Variants in WDR25 observed in about 807,000 individuals in gnomAD.
WDR25 encodes the protein WD repeat-containing protein 25.
WDR25 carries 35 observed loss-of-function variants against 47.7 expected under a neutral mutation model. That is an observed-to-expected ratio of 0.73 (90% CI 0.56 to 0.97). The LOEUF is 0.97. WDR25 is among the 50% of genes least tolerant of loss of function. The probability of loss-of-function intolerance (pLI) is 0.00; values close to 1 mark genes in which losing one functional copy is unlikely to be tolerated. For synonymous variants in WDR25, 248 were observed against 278.9 expected (o/e 0.89, Z 1.10); for missense variants, 634 against 704.7 (o/e 0.90, Z 1.14).
chr14:100,433,085 T>G (rs1898390591), intron 2 of WDR25, among the ~76,000 whole-genome samples: 1 of 152,274 alleles, frequency 6.6e-6, no homozygotes, highest in South Asian at 2.1e-4. Context: ...AATGTTGTTA[T>G]GCAGCACATG....
At chr14:100,513,333 G>A (rs1026361299) in intron 4 of WDR25, among the ~76,000 whole-genome samples, 3 of 152,106 alleles carry the variant, frequency 2.0e-5, no homozygotes, top group African/African-American at 7.2e-5. Context: ...GAACAAGGTG[G>A]GCCCTTTTTT....
chr14:100,500,773 C>T lies in WDR25; in HGVS notation c.1101+16649C>T, dbSNP rs1900895604. ...CTGCGAGGCAGGGGCCTGGGCTTTTCAGAGTTGGGCTGCTCTTGGGGGTGG... is the reference window on the plus strand; with the variant it reads ...CTGCGAGGCAGGGGCCTGGGCTTTTTAGAGTTGGGCTGCTCTTGGGGGTGG... On this transcript the variant is annotated intron_variant, in intron 4 of 6. Coordinates refer to ENST00000402312, the MANE Select transcript of WDR25 (RefSeq NM_001161476.3). The surrounding 1 kb of genome is among the most constrained non-coding windows in gnomAD (Gnocchi z 4.7). Among the ~76,000 whole-genome samples, 1 of 152,152 alleles carries T rather than the reference C, an allele frequency of 6.6e-6. No individual in the cohort carries two copies. The highest frequency in any genetic ancestry group is 1.5e-5 in the Non-Finnish European group (1 of 68,032).
At chr14:100,435,356 G>A (rs1452322850) in intron 2 of WDR25, among the ~76,000 whole-genome samples, 1 of 152,232 alleles carries the variant, frequency 6.6e-6, no homozygotes, top group South Asian at 2.1e-4. Context: ...GGAGAAAGGA[G>A]GAGCTATTCC....
chr14:100,389,419 A>C (rs944528179), intron 2 of WDR25, among the ~76,000 whole-genome samples: 12 of 152,312 alleles, frequency 7.9e-5, no homozygotes, highest in Admixed American at 7.8e-4. Context: ...CCAACCTTTT[A>C]AGGTTTCCTT....
At position 100,529,729 on chromosome 14, in the gene WDR25, T is replaced by G; in HGVS notation, c.1414-91T>G. 7.1e-7 allele frequency: 1 copy of G among 1,405,764 alleles called. No homozygotes were observed. The highest frequency in any genetic ancestry group is 9.7e-7 in the Non-Finnish European group (1 of 1,035,156). 87.1% of individuals were successfully genotyped at this position (1,405,764 alleles called of 1,614,324 possible). A position where few individuals can be genotyped will look rare whatever the true frequency, so the allele number is the denominator to read the frequency against. On this transcript the variant is annotated intron_variant, in intron 6 of 6. Coordinates refer to ENST00000402312, the MANE Select transcript of WDR25 (RefSeq NM_001161476.3). The surrounding 1 kb of genome is among the most constrained non-coding windows in gnomAD (Gnocchi z 5.1). ...CGAAGCCCAGCTCTGCTCCGTCAGCTCGGGGCTTCAGCCTGCTCCTCTGTA... is the reference window on the plus strand; with the variant it reads ...CGAAGCCCAGCTCTGCTCCGTCAGCGCGGGGCTTCAGCCTGCTCCTCTGTA...
rs1182737795 is a variant in WDR25 at position 100,498,788 on chromosome 14, C to T, written c.1101+14664C>T. Among the ~76,000 whole-genome samples, 1 of 152,226 alleles carries T rather than the reference C, an allele frequency of 6.6e-6. No individual in the cohort carries two copies. The highest frequency in any genetic ancestry group is 1.5e-5 in the Non-Finnish European group (1 of 68,044). ...CCATTCCAAGCCCTGCTGGCCAGGC[C>T]ACGCCCCTGATTTGGAATGGTTTCT... On this transcript the variant is annotated intron_variant, in intron 4 of 6. Coordinates refer to ENST00000402312, the MANE Select transcript of WDR25 (RefSeq NM_001161476.3). The surrounding 1 kb of genome is among the most constrained non-coding windows in gnomAD (Gnocchi z 4.2).
chr14:100,511,007 T>C (rs1190957431), intron 4 of WDR25, among the ~76,000 whole-genome samples: 1 of 152,180 alleles, frequency 6.6e-6, no homozygotes, highest in Non-Finnish European at 1.5e-5. Flanking sequence ...TTCTGACTAC[T>C]GTAGGTTCTT....
chr14:100,528,260 A>T (rs559970037), intron 5 of WDR25, among the ~76,000 whole-genome samples: 29 of 152,274 alleles, frequency 1.9e-4, no homozygotes, highest in African/African-American at 7.0e-4. Context: ...AGATGTTGGC[A>T]GGGTGTGCTC....
chr14:100,483,302 T>C (rs1363961012), intron 3 of WDR25, among the ~76,000 whole-genome samples: 1 of 152,174 alleles, frequency 6.6e-6, no homozygotes. Flanking sequence ...ACACAGACAC[T>C]TACCTAATGC....
chr14:100,498,121 G>A lies in WDR25; in HGVS notation c.1101+13997G>A, dbSNP rs373557046. On this transcript the variant is annotated intron_variant, in intron 4 of 6. Coordinates refer to ENST00000402312, the MANE Select transcript of WDR25 (RefSeq NM_001161476.3). This position sits in a 1 kb window ranked among gnomAD's most constrained non-coding sequence, Gnocchi z 4.2. ...AACAAATAGATTCCCAGTTTCAGGAGTGTGTTGATGGCTGTGTGATTTTAA... is the reference window on the plus strand; with the variant it reads ...AACAAATAGATTCCCAGTTTCAGGAATGTGTTGATGGCTGTGTGATTTTAA... Among the ~76,000 whole-genome samples the A allele has an allele frequency of 4.6e-5, 7 of 152,382 alleles. No individual in the cohort carries two copies. In the East Asian group the frequency reaches 1.2e-3, roughly 25 times the overall value.
chr14:100,382,368 G>A (rs1019939788), intron 2 of WDR25, among the ~76,000 whole-genome samples: 5 of 152,152 alleles, frequency 3.3e-5, no homozygotes, highest in African/African-American at 9.7e-5. Context: ...GCAGAAGGGC[G>A]TGCTTGGCTG....
chr14:100,491,289 A>G (rs907900471), intron 4 of WDR25, among the ~76,000 whole-genome samples: 1 of 152,220 alleles, frequency 6.6e-6, no homozygotes, highest in Admixed American at 6.5e-5. Context: ...TAGTGGGGCA[A>G]GACTGTGAAC....
At chr14:100,390,772 G>A (rs994077806) in intron 2 of WDR25, among the ~76,000 whole-genome samples, 10 of 152,246 alleles carry the variant, frequency 6.6e-5, no homozygotes, top group East Asian at 1.9e-4. Context: ...GCTGTGTAGC[G>A]CTCAGTGTCT....
At position 100,498,850 on chromosome 14, in the gene WDR25, TGCCATGCGG is replaced by T. The variant is rs1383539909; in HGVS notation, c.1101+14731_1101+14739del. Among the ~76,000 whole-genome samples, 1 of 152,192 alleles carries T rather than the reference TGCCATGCGG, an allele frequency of 6.6e-6. No individual in the cohort carries two copies. The highest frequency in any genetic ancestry group is 1.5e-5 in the Non-Finnish European group (1 of 68,030). ...TATCTTTCTCTAATAGGAACCAAGG[TGCCATGCGG>T]GCCAGTGGCAGCCCTGTCCCTCCCC... is the stretch of plus-strand genomic sequence containing the variant. On this transcript the variant is annotated intron_variant, in intron 4 of 6. Transcript: ENST00000402312. This position sits in a 1 kb window ranked among gnomAD's most constrained non-coding sequence, Gnocchi z 4.2.
At chr14:100,516,158 C>T (rs561793227) in intron 4 of WDR25, among the ~76,000 whole-genome samples, 9 of 152,134 alleles carry the variant, frequency 5.9e-5, no homozygotes, top group East Asian at 1.9e-4. Flanking sequence ...TGCTTGATAA[C>T]GGTTTGATTT....
intron 2 of WDR25, among the ~76,000 whole-genome samples, chr14:100,427,179 C>T (rs74078475): frequency 0.015 from 2,270 of 152,222 alleles, 48 homozygotes; most frequent in African/African-American, 0.049. Context: ...TCACCTGTGC[C>T]TGTCCTCTGC....
At chr14:100,495,473 A>C (rs961864733) in intron 4 of WDR25, among the ~76,000 whole-genome samples, 17 of 152,214 alleles carry the variant, frequency 1.1e-4, no homozygotes, top group African/African-American at 3.9e-4. Flanking sequence ...TAGCTCCTGG[A>C]GGTAAAATGC....
intron 2 of WDR25, among the ~76,000 whole-genome samples, chr14:100,413,693 G>A (rs1336285912): frequency 3.3e-5 from 5 of 152,198 alleles, no homozygotes; most frequent in Admixed American, 6.5e-5. Flanking sequence ...GATTACAGGC[G>A]TGAGCCACCG....
intron 4 of WDR25, among the ~76,000 whole-genome samples, chr14:100,520,851 T>C (rs1319520708): frequency 6.6e-6 from 1 of 152,210 alleles, no homozygotes; most frequent in Non-Finnish European, 1.5e-5. Context: ...TTTACAGGTA[T>C]GGAGACTGAA....
Sources: allele counts gnomAD v4.1 joint callset (sites outside exome capture counted in the v4.1 genomes callset), GRCh38; gene constraint gnomAD v4.1.1; non-coding constraint Gnocchi (gnomAD v3.1); transcripts MANE v1.5; gene names NCBI Gene and HGNC (gene_info 2026-07-23, HGNC 2026-07-21).